The following TACC2 variants were observed in gnomAD, a reference collection of about 807,000 sequenced individuals.
TACC2 encodes transforming acidic coiled-coil containing protein 2.
In TACC2, 137 loss-of-function variants were observed where a neutral mutation model predicts 227.3. The observed-to-expected ratio is 0.60, with a 90% CI of 0.52 to 0.69. TACC2 has a LOEUF of 0.69. Ranked by LOEUF, TACC2 falls within the 30% of genes least tolerant of loss-of-function variation. The pLI is 0.00. For synonymous variants in TACC2, 1,523 were observed against 1,487.5 expected, an observed-to-expected ratio of 1.02 and a Z score of -0.55; for missense variants, 3,470 against 3,694.4, an observed-to-expected ratio of 0.94 and a Z score of 1.57.
intron 22 of TACC2, among the ~76,000 whole-genome samples, chr10:122,250,110 A>G (rs2096223049): frequency 6.6e-6 from 1 of 152,322 alleles, no homozygotes; most frequent in South Asian, 2.1e-4. Context: ...TTCCAGGGAC[A>G]GGGGTGATCT....
intron 3 of TACC2, among the ~76,000 whole-genome samples, chr10:122,078,125 G>A (rs2079028503): frequency 6.7e-6 from 1 of 149,992 alleles, no homozygotes; most frequent in South Asian, 2.1e-4. Context: ...AACTCAGGAG[G>A]TGGAGGTTGC....
intron 6 of TACC2, among the ~76,000 whole-genome samples, chr10:122,138,886 T>G (rs539952389): frequency 2.2e-4 from 33 of 152,352 alleles, no homozygotes; most frequent in Middle Eastern, 3.4e-3. Flanking sequence ...AGGCAGATTT[T>G]GACTTTCTGA....
intron 1 of TACC2, among the ~76,000 whole-genome samples, chr10:121,990,488 G>A (rs185227732): frequency 9.2e-5 from 14 of 152,146 alleles, no homozygotes; most frequent in East Asian, 7.7e-4. Flanking sequence ...CTTATGGCAC[G>A]GGGCCAGGCA....
At chr10:122,047,145 C>T (rs1239044942) in intron 2 of TACC2, among the ~76,000 whole-genome samples, 5 of 151,356 alleles carry the variant, frequency 3.3e-5, no homozygotes, top group Admixed American at 6.6e-5. Context: ...AAAAATTAGC[C>T]GGGTGTGGTG....
At chr10:122,153,716 C>T (rs1373023749) in intron 7 of TACC2, among the ~76,000 whole-genome samples, 3 of 152,196 alleles carry the variant, frequency 2.0e-5, no homozygotes, top group Non-Finnish European at 4.4e-5. Context: ...TCATTTAAAC[C>T]TTGCACCCTC....
At chr10:122,090,643 A>G (rs1374582580) in intron 5 of TACC2, among the ~76,000 whole-genome samples, 1 of 151,836 alleles carries the variant, frequency 6.6e-6, no homozygotes, top group Non-Finnish European at 1.5e-5. Context: ...GTATTTTAGT[A>G]TATTTTCATT....
intron 16 of TACC2, among the ~76,000 whole-genome samples, chr10:122,236,786 TACATAACTCTA>T (rs1213567181): frequency 6.6e-6 from 1 of 152,210 alleles, no homozygotes; most frequent in Non-Finnish European, 1.5e-5. Context: ...ACAGAACTCT[TACATAACTCTA>T]ACATAACTCC....
chr10:122,021,663 C>G (rs556267003), intron 1 of TACC2, among the ~76,000 whole-genome samples: 98 of 152,214 alleles, frequency 6.4e-4, no homozygotes, highest in Non-Finnish European at 1.2e-3. Flanking sequence ...TATATGTGTA[C>G]GCTGGCACTA....
chr10:122,047,823 CTGT>C (rs2075202904), intron 2 of TACC2, among the ~76,000 whole-genome samples: 1 of 152,210 alleles, frequency 6.6e-6, no homozygotes, highest in Non-Finnish European at 1.5e-5. Context: ...GCATTTATTG[CTGT>C]TGTTCTCTTT....
In TACC2 at chr10:122,134,139, G is replaced by A. The variant is rs188976508; in HGVS notation, c.5699+1405G>A. Among the ~76,000 whole-genome samples the A allele has an allele frequency of 5.3e-4, 80 of 151,894 alleles. 1 individual carries two copies. Among genetic ancestry groups the A allele is most frequent in the East Asian group, 2.9e-3 (15 of 5,172 alleles). ...CATGCAATGATGTGGAAATTTAGAC[G>A]TTCCTTTTATAGGTGGGAGTCAGCC... On this transcript the variant is annotated intron_variant, in intron 6 of 22. Transcript: ENST00000369005.
intron 1 of TACC2, among the ~76,000 whole-genome samples, chr10:122,003,198 C>A (rs1214668810): frequency 6.6e-6 from 1 of 151,988 alleles, no homozygotes; most frequent in African/African-American, 2.4e-5. Flanking sequence ...AAGCAAGACT[C>A]TGTCTCAAAC....
intron 1 of TACC2, among the ~76,000 whole-genome samples, chr10:122,003,924 G>C (rs779457836): frequency 3.9e-5 from 6 of 152,002 alleles, no homozygotes; most frequent in Non-Finnish European, 7.4e-5. Flanking sequence ...CCAAAGTGCT[G>C]GGATTACAGG....
chr10:122,173,259 C>T (rs1195159787), intron 7 of TACC2, among the ~76,000 whole-genome samples: 1 of 152,160 alleles, frequency 6.6e-6, no homozygotes, highest in Non-Finnish European at 1.5e-5. Flanking sequence ...CTGACTTACT[C>T]CTGTGGCTTC....
At chr10:122,025,584 T>A (rs151194861) in intron 2 of TACC2, among the ~76,000 whole-genome samples, 33,223 of 148,988 alleles carry the variant, frequency 0.22, 3,831 homozygotes, top group African/African-American at 0.29. Context: ...TATTTTATTT[T>A]TTTTTTTGAG....
intron 7 of TACC2, chr10:122,163,690 G>GCGCCGGCCACACTCGGGCGCA: frequency 9.3e-7 from 1 of 1,077,838 alleles, no homozygotes; most frequent in Non-Finnish European, 1.1e-6. Context: ...ACTCGGGCGC[G>GCGCCGGCCACACTCGGGCGCA]CGCCGGCCAC....
intron 8 of TACC2, among the ~76,000 whole-genome samples, chr10:122,204,135 G>C (rs1336661017): frequency 6.8e-6 from 1 of 147,730 alleles, no homozygotes; most frequent in Non-Finnish European, 1.5e-5. Context: ...CTCGGCATCA[G>C]AGGGAGACCT....
chr10:122,113,139 C>G (rs756058917), intron 5 of TACC2: 2 of 152,392 alleles, frequency 1.3e-5, no homozygotes, highest in Admixed American at 1.3e-4. Flanking sequence ...GCGCCGCCAC[C>G]GGGCTCGGAA....
intron 2 of TACC2, among the ~76,000 whole-genome samples, chr10:122,036,970 GT>G (rs1213854452): frequency 1.3e-5 from 2 of 152,032 alleles, no homozygotes; most frequent in African/African-American, 2.4e-5. Context: ...TTGTTTGTTT[GT>G]TTTTTAAATT....
At chr10:122,038,404 G>A (rs895534757) in intron 2 of TACC2, among the ~76,000 whole-genome samples, 3 of 152,216 alleles carry the variant, frequency 2.0e-5, no homozygotes, top group African/African-American at 7.2e-5. Flanking sequence ...TTTGCTTTTG[G>A]GGCAGAAAGC....
Sources: allele counts gnomAD v4.1 joint callset (sites outside exome capture counted in the v4.1 genomes callset), GRCh38; gene constraint gnomAD v4.1.1; transcripts MANE v1.5; gene names NCBI Gene and HGNC (gene_info 2026-07-23, HGNC 2026-07-21).